The following NCKAP5 variants were observed in gnomAD, a reference collection of about 807,000 sequenced individuals.
The protein encoded by NCKAP5 is NCK associated protein 5.
In NCKAP5, 92 loss-of-function variants were observed where a neutral mutation model predicts 167.0. That is an observed-to-expected ratio of 0.55 (90% CI 0.47 to 0.66). NCKAP5 has a LOEUF of 0.66. Among genes scored for constraint, NCKAP5 ranks in the 30% least tolerant of loss-of-function variants. The pLI is 0.00. For missense variants in NCKAP5, 2,378 were observed against 2,315.0 expected (o/e 1.03, Z -0.56); for synonymous variants, 891 against 877.4 (o/e 1.02, Z -0.27).
chr2:133,529,594 GGAATTA>G (rs1258480588), intron 2 of NCKAP5, among the ~76,000 whole-genome samples: 1 of 152,088 alleles, frequency 6.6e-6, no homozygotes, highest in Non-Finnish European at 1.5e-5. Flanking sequence ...CTCAAAAGAT[GGAATTA>G]TAGTGTAAAA....
chr2:133,276,079 C>T (rs534640465), intron 4 of NCKAP5, among the ~76,000 whole-genome samples: 3 of 151,730 alleles, frequency 2.0e-5, no homozygotes, highest in Non-Finnish European at 2.9e-5. Context: ...ACTGTGAAGA[C>T]GAAGAGGATG....
At chr2:132,737,595 T>C (rs531180724) in intron 16 of NCKAP5, among the ~76,000 whole-genome samples, 25 of 152,214 alleles carry the variant, frequency 1.6e-4, no homozygotes, top group African/African-American at 6.0e-4. Flanking sequence ...TCCCCACTCA[T>C]CTCACTAATG....
chr2:132,702,899 C>T (rs1688013173), intron 19 of NCKAP5, among the ~76,000 whole-genome samples: 1 of 152,144 alleles, frequency 6.6e-6, no homozygotes, highest in South Asian at 2.1e-4. Context: ...TATTTATTGG[C>T]TGGGCACAGT....
chr2:133,440,177 T>C (rs1407947499), intron 3 of NCKAP5, among the ~76,000 whole-genome samples: 2 of 152,170 alleles, frequency 1.3e-5, no homozygotes, highest in Non-Finnish European at 2.9e-5. Context: ...CCAAATGCAG[T>C]TGGTGTGTGT....
chr2:133,261,244 G>T (rs1455596328), intron 4 of NCKAP5, among the ~76,000 whole-genome samples: 10 of 152,152 alleles, frequency 6.6e-5, no homozygotes, highest in Non-Finnish European at 1.5e-4. Flanking sequence ...AGTTATTACA[G>T]AAATCACCTT....
At chr2:133,024,552 T>C (rs1181684284) in intron 6 of NCKAP5, among the ~76,000 whole-genome samples, 1 of 152,218 alleles carries the variant, frequency 6.6e-6, no homozygotes, top group Non-Finnish European at 1.5e-5. Flanking sequence ...TTTACTTGTA[T>C]TTAGTACACT....
chr2:133,481,163 G>T (rs112224590), intron 3 of NCKAP5, among the ~76,000 whole-genome samples: 1 of 152,188 alleles, frequency 6.6e-6, no homozygotes, highest in Non-Finnish European at 1.5e-5. Context: ...ACATCTGACA[G>T]TATTATTAAA....
intron 16 of NCKAP5, among the ~76,000 whole-genome samples, chr2:132,746,126 A>C (rs1234969332): frequency 6.6e-6 from 1 of 152,028 alleles, no homozygotes; most frequent in Non-Finnish European, 1.5e-5. Flanking sequence ...AAAGTAAAAC[A>C]AGGTCAGAGG....
chr2:133,364,821 C>A (rs533289612), intron 3 of NCKAP5, among the ~76,000 whole-genome samples: 18 of 151,944 alleles, frequency 1.2e-4, no homozygotes, highest in African/African-American at 4.1e-4. Flanking sequence ...GTAGCGCCAT[C>A]TTGGCTCACT....
intron 6 of NCKAP5, 94 bp from the exon 7 acceptor site, chr2:132,994,333 C>A (rs929721597): frequency 1.2e-6 from 1 of 828,700 alleles, no homozygotes; most frequent in African/African-American, 1.7e-5. Context: ...ATGCGTATTT[C>A]CCAAGCTTCA....
intron 3 of NCKAP5, among the ~76,000 whole-genome samples, chr2:133,371,649 A>G (rs1353907503): frequency 2.6e-5 from 4 of 152,244 alleles, no homozygotes; most frequent in African/African-American, 9.6e-5. Flanking sequence ...TCTGCTATGT[A>G]AAGTTTGTAC....
chr2:133,146,220 A>T (rs1028610350), intron 5 of NCKAP5, among the ~76,000 whole-genome samples: 1 of 151,962 alleles, frequency 6.6e-6, no homozygotes, highest in African/African-American at 2.4e-5. Context: ...GAAAAGCAAC[A>T]TCTAGATAAA....
intron 19 of NCKAP5, among the ~76,000 whole-genome samples, chr2:132,679,003 G>C (rs994608834): frequency 2.0e-5 from 3 of 151,956 alleles, no homozygotes; most frequent in Non-Finnish European, 4.4e-5. Flanking sequence ...TGGAATTTGA[G>C]GTGGCACAAT....
chr2:133,554,632 C>T (rs574012415), intron 2 of NCKAP5, among the ~76,000 whole-genome samples: 7 of 152,188 alleles, frequency 4.6e-5, no homozygotes, highest in South Asian at 2.1e-4. Context: ...GTGAAAGATA[C>T]AAAATGAAGT....
At chr2:133,276,032 A>G (rs530517937) in intron 4 of NCKAP5, among the ~76,000 whole-genome samples, 3 of 151,848 alleles carry the variant, frequency 2.0e-5, no homozygotes, top group East Asian at 1.9e-4. Flanking sequence ...AGCAAGACCA[A>G]CTCTTCCTCT....
chr2:133,309,455 A>T (rs1203185022), intron 3 of NCKAP5, among the ~76,000 whole-genome samples: 1 of 152,144 alleles, frequency 6.6e-6, no homozygotes, highest in Non-Finnish European at 1.5e-5. Flanking sequence ...GCATTTCACC[A>T]AAGTTAGGAT....
chr2:133,483,359 A>G (rs1449237520), intron 3 of NCKAP5, among the ~76,000 whole-genome samples: 2 of 152,160 alleles, frequency 1.3e-5, no homozygotes, highest in African/African-American at 4.8e-5. Context: ...ACTCTAAAGA[A>G]TTGTTGAAAC....
At chr2:133,231,655 A>G (rs189227222) in intron 4 of NCKAP5, among the ~76,000 whole-genome samples, 1 of 152,304 alleles carries the variant, frequency 6.6e-6, no homozygotes, top group African/African-American at 2.4e-5. Context: ...TATCCAACAA[A>G]ACACTGAAAC....
intron 16 of NCKAP5, among the ~76,000 whole-genome samples, chr2:132,770,182 G>A (rs1038347527): frequency 2.0e-5 from 3 of 151,922 alleles, no homozygotes; most frequent in Non-Finnish European, 4.4e-5. Context: ...TCTTAACTAT[G>A]GATAAAACTT....
Sources: gnomAD v4.1 joint callset for allele counts (sites outside exome capture counted in the v4.1 genomes callset) on GRCh38, gnomAD v4.1.1 for gene constraint, MANE v1.5 for transcripts, NCBI Gene and HGNC (gene_info 2026-07-23, HGNC 2026-07-21) for gene names.